Variants in PAK1 observed in about 807,000 individuals in gnomAD.
PAK1 encodes the protein p21 (RAC1) activated kinase 1.
PAK1 carries 29 observed loss-of-function variants against 67.4 expected under a neutral mutation model. The ratio of observed to expected loss-of-function variants is 0.43; its 90% confidence interval spans 0.32 to 0.59. The LOEUF (loss-of-function observed/expected upper bound fraction) is 0.59. PAK1 is among the 20% of genes least tolerant of loss of function. The pLI is 0.07. For missense variants in PAK1, 337 were observed against 670.7 expected (o/e 0.50, Z 5.50); for synonymous variants, 223 against 237.4 (o/e 0.94, Z 0.56).
At chr11:77,495,637 C>T in the PAK1 span, among the ~76,000 whole-genome samples, 3 of 152,018 alleles carry the variant, frequency 2.0e-5, no homozygotes, top group African/African-American at 4.8e-5. Context: ...TGGAAACAAC[C>T]CAAGTATCCA....
chr11:77,405,556 TAA>T (rs34932909), intron 1 of PAK1, among the ~76,000 whole-genome samples: 13 of 146,984 alleles, frequency 8.8e-5, no homozygotes, highest in African/African-American at 2.3e-4. Flanking sequence ...AGCATGTGAT[TAA>T]AAAAAAAAAG....
rs138901113 is a variant in PAK1, at chr11:77,457,642, T to C, written c.-22+15910A>G. Among the ~76,000 whole-genome samples the C allele has an allele frequency of 5.3e-5, 8 of 152,246 alleles. No individual in the cohort carries two copies. In the East Asian group the frequency reaches 1.6e-3, roughly 30 times the overall value. ...TGTCTAGGTCAGGCATGGCATTTGGTCCCTCTTCATTTCTAAGTTCTCATG... is the reference window on the plus strand; with the variant it reads ...TGTCTAGGTCAGGCATGGCATTTGGCCCCTCTTCATTTCTAAGTTCTCATG... On this transcript the variant is annotated intron_variant, in intron 1 of 14. Coordinates refer to ENST00000356341, the MANE Select transcript of PAK1 (RefSeq NM_002576.5).
intron 11 of PAK1, among the ~76,000 whole-genome samples, chr11:77,338,232 T>C (rs191416309): frequency 1.2e-4 from 19 of 152,306 alleles, no homozygotes; most frequent in Admixed American, 3.3e-4. Context: ...TTTGATTTCA[T>C]TGACCCAAAA....
intron 9 of PAK1, 102 bp downstream of exon 9, chr11:77,349,137 A>AC: frequency 1.2e-6 from 1 of 850,874 alleles, no homozygotes; most frequent in East Asian, 2.7e-5. Context: ...AAAAAAAAAA[A>AC]AAAACCTAGA....
At chr11:77,469,181 CT>C (rs1957736572) in intron 1 of PAK1, among the ~76,000 whole-genome samples, 1 of 152,148 alleles carries the variant, frequency 6.6e-6, no homozygotes, top group African/African-American at 2.4e-5. Flanking sequence ...CACATAGCTG[CT>C]GGAGTCAGGT....
Position 77,322,454 on chromosome 11 carries a change from G to A in PAK1, c.*820C>T, listed in dbSNP as rs1938656162. 5.1e-6 allele frequency: 1 copy of A among 195,044 alleles called. No individual in the cohort carries two copies. Among genetic ancestry groups the A allele is most frequent in the African/African-American group, 2.3e-5 (1 of 43,144 alleles). The allele number at this position is 195,044 out of a possible 1,614,324, so 12.1% of individuals were successfully genotyped here. ...ACATCACACAAGTAGAGCTGGACAG[G>A]TGCTGATGCCCAGCCTTGCTCTAAA... On this transcript the variant is annotated 3_prime_UTR_variant, in exon 15 of 15. Transcript: ENST00000356341.
chr11:77,340,886 AG>A, intron 10 of PAK1, 123 bp from the exon 11 acceptor site: 1 of 690,268 alleles, frequency 1.4e-6, no homozygotes, highest in East Asian at 2.5e-5. Flanking sequence ...GTAAAGTAAA[AG>A]GTTCTTTACT....
At chr11:77,481,801 G>A in the PAK1 span, among the ~76,000 whole-genome samples, 3 of 151,952 alleles carry the variant, frequency 2.0e-5, no homozygotes, top group African/African-American at 7.3e-5. Flanking sequence ...GTGTCTTCCT[G>A]TATTAGAACA....
chr11:77,481,877 T>C, the PAK1 span, among the ~76,000 whole-genome samples: 1 of 152,200 alleles, frequency 6.6e-6, no homozygotes, highest in East Asian at 1.9e-4. Context: ...ACTATATCTC[T>C]AGAGCTTGGA....
chr11:77,347,803 A>C (rs1459842567), intron 9 of PAK1, among the ~76,000 whole-genome samples: 1 of 152,234 alleles, frequency 6.6e-6, no homozygotes, highest in Non-Finnish European at 1.5e-5. Flanking sequence ...TAGTTCATAA[A>C]GTTTATAATG....
intron 1 of PAK1, among the ~76,000 whole-genome samples, chr11:77,458,881 C>G (rs1299124974): frequency 6.6e-6 from 1 of 152,136 alleles, no homozygotes; most frequent in Non-Finnish European, 1.5e-5. Flanking sequence ...ATGCCAGGCA[C>G]TGATCAAGAT....
At chr11:77,393,285 A>AG (rs1555163795) in intron 1 of PAK1, among the ~76,000 whole-genome samples, 102 of 141,826 alleles carry the variant, frequency 7.2e-4, no homozygotes, top group African/African-American at 1.6e-3. Context: ...TAAAAAAAAA[A>AG]AGAGAGAGAG....
chr11:77,429,298 G>A (rs1238937518), intron 1 of PAK1, among the ~76,000 whole-genome samples: 1 of 152,030 alleles, frequency 6.6e-6, no homozygotes, highest in Admixed American at 6.6e-5. Flanking sequence ...GCTAGCAATA[G>A]ATTATTACCC....
In PAK1 at chr11:77,337,292, G is replaced by T. The variant is rs757761704; in HGVS notation, c.1216+32C>A. ...CAGGAGACAGGGCCCCACAGGCAGA[G>T]AAGTATTATCATTCCTAAGGCTCCT... On this transcript the variant is annotated intron_variant, in intron 12 of 14. Transcript: ENST00000356341. 8.0e-6 allele frequency: 9 copies of T among 1,128,882 alleles called. No individual in the cohort carries two copies. In the Admixed American group the frequency reaches 1.1e-4, roughly 14 times the overall value. 69.9% of individuals were successfully genotyped at this position (1,128,882 alleles called of 1,614,324 possible). A position where few individuals can be genotyped will look rare whatever the true frequency, so the allele number is the denominator to read the frequency against.
the PAK1 span, among the ~76,000 whole-genome samples, chr11:77,483,303 G>A: frequency 3.9e-5 from 6 of 151,980 alleles, no homozygotes; most frequent in Admixed American, 6.6e-5. Context: ...CGGCATGTTC[G>A]TAATCCATGG....
intron 1 of PAK1, among the ~76,000 whole-genome samples, chr11:77,417,770 T>G (rs1315878570): frequency 1.3e-5 from 2 of 151,674 alleles, no homozygotes; most frequent in Non-Finnish European, 2.9e-5. Context: ...GTTTCACTCC[T>G]GTTGCCCAGG....
chr11:77,323,427 G>A (rs1938843724), intron 14 of PAK1, 67 bp from the exon 15 acceptor site: 1 of 1,033,528 alleles, frequency 9.7e-7, no homozygotes, highest in East Asian at 2.4e-5. Flanking sequence ...ACCATTACAA[G>A]ACATAAAGGC....
At chr11:77,423,214 T>C (rs1955364395) in intron 1 of PAK1, among the ~76,000 whole-genome samples, 1 of 150,474 alleles carries the variant, frequency 6.6e-6, no homozygotes, top group African/African-American at 2.5e-5. Flanking sequence ...AGCAGAAGAA[T>C]GAAAAAGATC....
At chr11:77,382,539 C>T (rs1351394943) in intron 2 of PAK1, among the ~76,000 whole-genome samples, 1 of 152,176 alleles carries the variant, frequency 6.6e-6, no homozygotes, top group Admixed American at 6.5e-5. Flanking sequence ...GTCTGCTACA[C>T]CACCAAGCAT....
Sources: gnomAD v4.1 joint callset for allele counts (sites outside exome capture counted in the v4.1 genomes callset) on GRCh38, gnomAD v4.1.1 for gene constraint, MANE v1.5 for transcripts, NCBI Gene and HGNC (gene_info 2026-07-23, HGNC 2026-07-21) for gene names.